Variants in SENP6 observed in about 807,000 individuals in gnomAD.
SENP6 encodes sentrin-specific protease 6.
Under a neutral mutation model 134.5 loss-of-function variants are expected in SENP6, and 41 were observed. The observed-to-expected ratio is 0.30, with a 90% confidence interval of 0.24 to 0.40. The LOEUF (loss-of-function observed/expected upper bound fraction) is 0.40. SENP6 is among the 10% of genes least tolerant of loss of function. The probability of loss-of-function intolerance (pLI) is 1.00; values close to 1 mark genes in which losing one functional copy is unlikely to be tolerated. For synonymous variants in SENP6, 395 were observed against 429.8 expected, an observed-to-expected ratio of 0.92 and a Z score of 1.00; for missense variants, 1,248 against 1,312.5, an observed-to-expected ratio of 0.95 and a Z score of 0.76.
chr6:75,682,910 G>A (rs554146288), intron 16 of SENP6, among the ~76,000 whole-genome samples: 84 of 152,074 alleles, frequency 5.5e-4, no homozygotes, highest in African/African-American at 1.2e-3. Flanking sequence ...TAATCCTTTG[G>A]GTATATACCA....
intron 16 of SENP6, among the ~76,000 whole-genome samples, chr6:75,692,231 T>TG: frequency 6.6e-6 from 1 of 152,298 alleles, no homozygotes; most frequent in South Asian, 2.1e-4. Context: ...ATTTTAAAGT[T>TG]AATAGTTGTG....
intron 1 of SENP6, among the ~76,000 whole-genome samples, chr6:75,613,598 A>C (rs776742660): frequency 5.9e-5 from 9 of 152,188 alleles, no homozygotes; most frequent in Non-Finnish European, 1.3e-4. Flanking sequence ...GGGGATGTAT[A>C]AATAAGCGAT....
intron 1 of SENP6, among the ~76,000 whole-genome samples, chr6:75,620,181 A>G (rs1768164175): frequency 1.3e-5 from 2 of 151,612 alleles, no homozygotes; most frequent in South Asian, 4.2e-4. Flanking sequence ...ATGGTTAGTG[A>G]TGCTGAGCAT....
chr6:75,658,178 C>T (rs191261726), intron 7 of SENP6, among the ~76,000 whole-genome samples: 63 of 152,022 alleles, frequency 4.1e-4, no homozygotes, highest in African/African-American at 1.4e-3. Flanking sequence ...GAGTAGTCAT[C>T]GATTATTTAA....
chr6:75,684,908 C>T (rs181017541), intron 16 of SENP6, among the ~76,000 whole-genome samples: 1 of 152,154 alleles, frequency 6.6e-6, no homozygotes, highest in African/African-American at 2.4e-5. Context: ...TGATTCTGGC[C>T]TCATAAAATG....
rs1562037008 is a variant in SENP6 at position 75,675,965 on chromosome 6, C to G, written c.1532C>G (p.Pro511Arg). The G allele has an allele frequency of 1.2e-6, 2 of 1,612,710 alleles. No homozygotes were observed. Among genetic ancestry groups the G allele is most frequent in the Non-Finnish European group, 1.7e-6 (2 of 1,179,342 alleles). ...KLPVVFLQAIPAVYQKLSIQL... is the reference protein window; with the variant it reads ...KLPVVFLQAIRAVYQKLSIQL... ...CCTGTAGTGTTTCTTCAAGCAATTCCAGCAGTTTATCAAAAGCTGAGCATC... is the reference window on the plus strand; with the variant it reads ...CCTGTAGTGTTTCTTCAAGCAATTCGAGCAGTTTATCAAAAGCTGAGCATC... Residue 511 changes from proline (P) to arginine (R), a missense_variant, in exon 13 of 24, where the codon CCA becomes CGA. Physicochemically the swap from Pro to Arg is moderately radical, Grantham distance 103 (BLOSUM62 -2). This residue lies in a region of SENP6 where 733 missense variants were observed against 725.4 expected (regional missense o/e 1.01). Transcript: ENST00000447266.
intron 19 of SENP6, among the ~76,000 whole-genome samples, chr6:75,705,924 C>CTTTTTTTTTTTTTTTGTTTTT (rs1562073188): frequency 1.1e-5 from 1 of 89,280 alleles, no homozygotes; most frequent in Non-Finnish European, 2.2e-5. Context: ...TATTTTTGAG[C>CTTTTTTTTTTTTTTTGTTTTT]CTTTTTTTTT....
chr6:75,693,569 T>C (rs183513211), intron 16 of SENP6, among the ~76,000 whole-genome samples: 1 of 148,902 alleles, frequency 6.7e-6, no homozygotes, highest in Non-Finnish European at 1.5e-5. Flanking sequence ...TAATATAAAC[T>C]GTGTCTTGAT....
intron 17 of SENP6, among the ~76,000 whole-genome samples, chr6:75,696,906 G>A (rs1477469149): frequency 2.0e-5 from 3 of 152,138 alleles, no homozygotes; most frequent in Non-Finnish European, 4.4e-5. Context: ...GTCTTGAATT[G>A]ATGGCTGCTA....
At chr6:75,705,922 A>C (rs1775362151) in intron 19 of SENP6, among the ~76,000 whole-genome samples, 1 of 51,530 alleles carries the variant, frequency 1.9e-5, no homozygotes. Flanking sequence ...GCTATTTTTG[A>C]GCCTTTTTTT....
At chr6:75,709,891 T>C (rs926922465) in intron 20 of SENP6, among the ~76,000 whole-genome samples, 2 of 152,262 alleles carry the variant, frequency 1.3e-5, no homozygotes, top group Non-Finnish European at 2.9e-5. Flanking sequence ...TCATGGCTTC[T>C]GAATTTGGAT....
intron 16 of SENP6, among the ~76,000 whole-genome samples, chr6:75,687,213 C>T (rs542597916): frequency 6.6e-6 from 1 of 152,146 alleles, no homozygotes; most frequent in Non-Finnish European, 1.5e-5. Flanking sequence ...GTGCATGTGT[C>T]GTGAAGTTCT....
At chr6:75,704,226 C>T (rs1775235010) in intron 19 of SENP6, among the ~76,000 whole-genome samples, 1 of 152,148 alleles carries the variant, frequency 6.6e-6, no homozygotes, top group Non-Finnish European at 1.5e-5. Context: ...GGACCTGCCC[C>T]GTCACCGGTC....
chr6:75,611,211 C>A (rs1767426432), intron 1 of SENP6: 2 of 152,202 alleles, frequency 1.3e-5, no homozygotes, highest in African/African-American at 4.8e-5. Context: ...TTCTTCATAA[C>A]CCCAGTGGTC....
At position 75,602,413 on chromosome 6, in the gene SENP6, G is replaced by T. The variant is rs1766692602; in HGVS notation, c.-112G>T. On this transcript the variant is annotated 5_prime_UTR_variant, in exon 1 of 24. Transcript: ENST00000447266. Reference sequence around the variant, plus strand: ...CGCAGCCCGCCTGACGGCTGAGCCCGAGGCCCGCAACCCTGCGGCGTCTAC... The same window carrying T: ...CGCAGCCCGCCTGACGGCTGAGCCCTAGGCCCGCAACCCTGCGGCGTCTAC... The T allele has an allele frequency of 1.2e-5, 15 of 1,285,102 alleles. No individual in the cohort carries two copies. The South Asian group carries it at 1.8e-4, about 16-fold the overall frequency. The allele number at this position is 1,285,102 out of a possible 1,614,324, so 79.6% of individuals were successfully genotyped here.
chr6:75,654,239 A>C (rs1373934112), intron 7 of SENP6, among the ~76,000 whole-genome samples: 1 of 152,202 alleles, frequency 6.6e-6, no homozygotes, highest in Non-Finnish European at 1.5e-5. Context: ...CCCTATCTCA[A>C]AAACAAAGCA....
chr6:75,649,802 A>G (rs1431471218), intron 7 of SENP6, among the ~76,000 whole-genome samples: 1 of 152,196 alleles, frequency 6.6e-6, no homozygotes, highest in African/African-American at 2.4e-5. Context: ...CGCGTCAGCC[A>G]CCGCGCCTGG....
chr6:75,672,985 G>A (rs974074132), intron 11 of SENP6, among the ~76,000 whole-genome samples: 13 of 151,890 alleles, frequency 8.6e-5, no homozygotes, highest in Non-Finnish European at 1.3e-4. Context: ...CGGCCACCAC[G>A]TCCAGCTAAT....
At position 75,668,209 on chromosome 6, in the gene SENP6, G is replaced by A. The variant is rs1328808756; in HGVS notation, c.1224+1268G>A. On this transcript the variant is annotated intron_variant, in intron 10 of 23. Transcript: ENST00000447266. Reference sequence around the variant, plus strand: ...CAGGCTGGCATTACAGGTGCAAGCCGCTGCACCCGGCTGGATTAATATTTT... The same window carrying A: ...CAGGCTGGCATTACAGGTGCAAGCCACTGCACCCGGCTGGATTAATATTTT... Among the ~76,000 whole-genome samples the A allele has an allele frequency of 7.9e-5, 12 of 152,242 alleles. No individual in the cohort carries two copies. The East Asian group carries it at 1.3e-3, about 17-fold the overall frequency.
Sources: gnomAD v4.1 joint callset for allele counts (sites outside exome capture counted in the v4.1 genomes callset) on GRCh38, gnomAD v4.1.1 for gene constraint, gnomAD v4.1.1 regional missense constraint, MANE v1.5 for transcripts, NCBI Gene and HGNC (gene_info 2026-07-23, HGNC 2026-07-21) for gene names.